The following ALDH1A2 variants were observed in gnomAD, a reference collection of about 807,000 sequenced individuals.
ALDH1A2 encodes aldehyde dehydrogenase 1 family member A2, also known as retinal dehydrogenase 2.
ALDH1A2 carries 27 observed loss-of-function variants against 60.3 expected under a neutral mutation model. The observed-to-expected ratio is 0.45, with a 90% CI of 0.33 to 0.62. The LOEUF is 0.62. Among genes scored for constraint, ALDH1A2 ranks in the 20% least tolerant of loss-of-function variants. ALDH1A2 has a pLI of 0.02. For missense variants in ALDH1A2, 581 were observed against 643.8 expected (o/e 0.90, Z 1.06); for synonymous variants, 289 against 232.4 (o/e 1.24, Z -2.21).
At chr15:57,962,273 A>G (rs1202284925) in intron 9 of ALDH1A2, 97 bp from the exon 10 acceptor site, 2 of 1,437,668 alleles carry the variant, frequency 1.4e-6, no homozygotes, top group African/African-American at 1.4e-5. Flanking sequence ...GTTTTTTTCA[A>G]AGTTTAACTA....
chr15:57,974,257 C>A (rs1894165148), intron 7 of ALDH1A2, among the ~76,000 whole-genome samples: 1 of 151,758 alleles, frequency 6.6e-6, no homozygotes, highest in African/African-American at 2.4e-5. Context: ...CATGGTGAAA[C>A]CCCATCTCTA....
At chr15:57,991,247 A>G (rs1246830062) in intron 7 of ALDH1A2, among the ~76,000 whole-genome samples, 1 of 152,190 alleles carries the variant, frequency 6.6e-6, no homozygotes, top group African/African-American at 2.4e-5. Flanking sequence ...CCTTTAGCAA[A>G]TATTTTCAAA....
At chr15:57,958,503 A>C (rs1893615109) in intron 12 of ALDH1A2, among the ~76,000 whole-genome samples, 1 of 152,184 alleles carries the variant, frequency 6.6e-6, no homozygotes, top group Non-Finnish European at 1.5e-5. Context: ...AGCCCTCCCC[A>C]CAGCTCTCTG....
chr15:57,970,983 G>C (rs1837853), intron 7 of ALDH1A2, among the ~76,000 whole-genome samples: 135,455 of 152,234 alleles, frequency 0.89, 61,464 homozygotes, highest in East Asian at 1. Context: ...GTCCAGATTT[G>C]CACCAGAAAC....
chr15:57,999,972 G>A (rs538479732), intron 4 of ALDH1A2, among the ~76,000 whole-genome samples: 9 of 151,880 alleles, frequency 5.9e-5, no homozygotes, highest in Non-Finnish European at 1.0e-4. Flanking sequence ...ACAGAAAACC[G>A]AACATCACAT....
chr15:58,057,165 CATAA>C (rs1429523217), intron 1 of ALDH1A2, among the ~76,000 whole-genome samples: 5 of 151,962 alleles, frequency 3.3e-5, no homozygotes, highest in Non-Finnish European at 7.4e-5. Context: ...CTGGATGCAT[CATAA>C]ATGTCAAGAG....
chr15:58,060,709 C>T (rs1212752501), intron 1 of ALDH1A2, among the ~76,000 whole-genome samples: 6 of 151,914 alleles, frequency 3.9e-5, no homozygotes, highest in African/African-American at 1.2e-4. Flanking sequence ...AGAAAGCTGC[C>T]GCAGACAGTA....
intron 7 of ALDH1A2, among the ~76,000 whole-genome samples, chr15:57,984,454 C>G (rs1479489606): frequency 6.6e-6 from 1 of 152,148 alleles, no homozygotes; most frequent in Non-Finnish European, 1.5e-5. Flanking sequence ...AGTTGTGCAT[C>G]CATCACAACC....
intron 7 of ALDH1A2, among the ~76,000 whole-genome samples, chr15:57,985,174 A>C (rs1210179803): frequency 6.6e-6 from 1 of 152,144 alleles, no homozygotes; most frequent in African/African-American, 2.4e-5. Context: ...ATTATTTCCC[A>C]GTTCATCTGA....
chr15:58,040,838 C>T (rs1780587008), intron 1 of ALDH1A2, among the ~76,000 whole-genome samples: 2 of 151,898 alleles, frequency 1.3e-5, no homozygotes, highest in Non-Finnish European at 2.9e-5. Flanking sequence ...CACATATTAA[C>T]TCATTTAATC....
At chr15:58,028,083 A>T (rs1896127483) in intron 1 of ALDH1A2, among the ~76,000 whole-genome samples, 1 of 152,194 alleles carries the variant, frequency 6.6e-6, no homozygotes, top group African/African-American at 2.4e-5. Flanking sequence ...GAGCAACCCC[A>T]AGACACATAA....
intron 12 of ALDH1A2, among the ~76,000 whole-genome samples, chr15:57,960,464 C>T (rs1183093686): frequency 6.6e-6 from 1 of 152,108 alleles, no homozygotes; most frequent in Non-Finnish European, 1.5e-5. Context: ...TTCTAGGACC[C>T]GAGCAGTCAA....
chr15:57,977,096 G>GTT (rs35805904), intron 7 of ALDH1A2, among the ~76,000 whole-genome samples: 3 of 145,664 alleles, frequency 2.1e-5, no homozygotes, highest in African/African-American at 5.0e-5. Context: ...ACTTTTCGAT[G>GTT]TTTTTTTTTT....
intron 7 of ALDH1A2, 64 bp downstream of exon 7, chr15:57,992,641 T>C: frequency 6.8e-7 from 1 of 1,477,384 alleles, no homozygotes; most frequent in Non-Finnish European, 9.5e-7. Context: ...AGTTTTATTG[T>C]TTTTGTAACC....
intron 1 of ALDH1A2, among the ~76,000 whole-genome samples, chr15:58,041,060 C>A (rs1354861270): frequency 1.3e-5 from 2 of 151,966 alleles, no homozygotes; most frequent in South Asian, 2.1e-4. Flanking sequence ...TGCCGCATGA[C>A]CTTCAAGTGG....
chr15:58,039,636 G>A (rs1896465071), intron 1 of ALDH1A2, among the ~76,000 whole-genome samples: 1 of 151,770 alleles, frequency 6.6e-6, no homozygotes, highest in African/African-American at 2.4e-5. Context: ...AAGTTGCTGA[G>A]GCCATTTCTT....
At chr15:57,981,074 G>A (rs569687601) in intron 7 of ALDH1A2, among the ~76,000 whole-genome samples, 108 of 152,068 alleles carry the variant, frequency 7.1e-4, no homozygotes, top group African/African-American at 2.4e-3. Flanking sequence ...CCCCTTTATC[G>A]TTTCTTATTG....
chr15:58,030,074 G>C (rs796515075), intron 1 of ALDH1A2, among the ~76,000 whole-genome samples: 2 of 152,148 alleles, frequency 1.3e-5, no homozygotes, highest in South Asian at 2.1e-4. Flanking sequence ...AAGTCTGGCA[G>C]AGACACAACA....
chr15:58,010,382 G>A (rs994805226), intron 4 of ALDH1A2, among the ~76,000 whole-genome samples: 7 of 152,042 alleles, frequency 4.6e-5, no homozygotes, highest in African/African-American at 1.7e-4. Flanking sequence ...GCACAATGCT[G>A]ACCACTTACC....
Sources: gnomAD v4.1 joint callset for allele counts (sites outside exome capture counted in the v4.1 genomes callset) on GRCh38, gnomAD v4.1.1 for gene constraint, MANE v1.5 for transcripts, NCBI Gene and HGNC (gene_info 2026-07-23, HGNC 2026-07-21) for gene names.